Variants in VOPP1 observed in about 807,000 individuals in gnomAD.
VOPP1 encodes the protein WW domain binding protein VOPP1.
VOPP1 carries 8 observed loss-of-function variants against 23.5 expected under a neutral mutation model. That is an observed-to-expected ratio of 0.34 (90% CI 0.20 to 0.61). VOPP1 has a LOEUF of 0.61. Ranked by LOEUF, VOPP1 falls within the 20% of genes least tolerant of loss-of-function variation. VOPP1 has a pLI of 0.78. For missense variants in VOPP1, 174 were observed against 238.1 expected, an observed-to-expected ratio of 0.73 and a Z score of 1.77; for synonymous variants, 83 against 97.3, an observed-to-expected ratio of 0.85 and a Z score of 0.86.
chr7:55,483,236 C>G (rs1792874521), intron 4 of VOPP1, among the ~76,000 whole-genome samples: 1 of 152,130 alleles, frequency 6.6e-6, no homozygotes, highest in Admixed American at 6.5e-5. Context: ...AAATACAGAC[C>G]CTGACTCAGC....
intron 3 of VOPP1, among the ~76,000 whole-genome samples, chr7:55,497,192 G>A (rs1794013823): frequency 6.6e-6 from 1 of 152,240 alleles, no homozygotes; most frequent in South Asian, 2.1e-4. Context: ...TGCCTATCTT[G>A]AAAGCGAAGA....
intron 2 of VOPP1, among the ~76,000 whole-genome samples, chr7:55,509,885 T>A (rs1332801899): frequency 1.3e-5 from 2 of 148,892 alleles, no homozygotes; most frequent in East Asian, 1.9e-4. Flanking sequence ...TTCTGTGAGA[T>A]GCTTTTCATG....
intron 1 of VOPP1, among the ~76,000 whole-genome samples, chr7:55,542,851 C>T (rs1797192923): frequency 6.6e-6 from 1 of 151,412 alleles, no homozygotes; most frequent in South Asian, 2.1e-4. Context: ...GCTTATTTCA[C>T]TTAATGTTCT....
intron 2 of VOPP1, among the ~76,000 whole-genome samples, chr7:55,508,848 C>G (rs1794893987): frequency 6.6e-6 from 1 of 152,050 alleles, no homozygotes; most frequent in Admixed American, 6.6e-5. Flanking sequence ...AGAAGTCTGC[C>G]TATGAGTTCA....
At chr7:55,481,638 C>G (rs1370628245) in intron 4 of VOPP1, among the ~76,000 whole-genome samples, 1 of 152,206 alleles carries the variant, frequency 6.6e-6, no homozygotes, top group East Asian at 1.9e-4. Context: ...TCTTTTATTT[C>G]CAAGTGGGTG....
At chr7:55,447,977 A>G (rs1791143567) in intron 4 of VOPP1, among the ~76,000 whole-genome samples, 1 of 152,214 alleles carries the variant, frequency 6.6e-6, no homozygotes, top group Non-Finnish European at 1.5e-5. Context: ...TCATTCATTA[A>G]AAAACCATTA....
In VOPP1 at chr7:55,511,548, A is replaced by C. The variant is rs118006740; in HGVS notation, c.113+9524T>G. On this transcript the variant is annotated intron_variant, in intron 2 of 4. Coordinates refer to ENST00000285279, the MANE Select transcript of VOPP1 (RefSeq NM_030796.5). Reference sequence around the variant, plus strand: ...CTTGAATCCCCAAATCACTAAGCTAAAAGGAAAATTCAAGCTGAAACTCCT... The same window carrying C: ...CTTGAATCCCCAAATCACTAAGCTACAAGGAAAATTCAAGCTGAAACTCCT... 7.0e-3 allele frequency among the ~76,000 whole-genome samples: 1,071 copies of C among 152,336 alleles called. 6 individuals are homozygous for C. The highest frequency in any genetic ancestry group is 0.011 in the Non-Finnish European group (764 of 68,024).
At chr7:55,557,924 T>C (rs181357555) in intron 1 of VOPP1, among the ~76,000 whole-genome samples, 2 of 152,330 alleles carry the variant, frequency 1.3e-5, no homozygotes, top group Non-Finnish European at 2.9e-5. Flanking sequence ...ACTACTTGAA[T>C]TGGGTTTCCT....
chr7:55,529,978 T>C (rs1796407290), intron 1 of VOPP1, among the ~76,000 whole-genome samples: 3 of 152,240 alleles, frequency 2.0e-5, no homozygotes, highest in African/African-American at 7.2e-5. Flanking sequence ...TCTGGGTTGA[T>C]ACTGCATTTT....
rs143942834 is a variant in VOPP1, at chr7:55,499,038, A to C, written c.114-1348T>G. ...TTCCACAGACAATATGGCAGCATTC[A>C]TGTACAGTCTTCCCCTGGCCCATGA... On this transcript the variant is annotated intron_variant, in intron 2 of 4. Coordinates refer to ENST00000285279, the MANE Select transcript of VOPP1 (RefSeq NM_030796.5). Among the ~76,000 whole-genome samples the C allele has an allele frequency of 8.5e-3, 1,291 of 152,156 alleles. 18 individuals are homozygous for C. The highest frequency in any genetic ancestry group is 0.025 in the South Asian group (121 of 4,808).
At chr7:55,502,477 C>CGCTGGCCCGGCTCCCATTGTGGAT (rs1206516148) in intron 2 of VOPP1, among the ~76,000 whole-genome samples, 2 of 152,320 alleles carry the variant, frequency 1.3e-5, no homozygotes, top group Non-Finnish European at 2.9e-5. Flanking sequence ...TCATCTGCGG[C>CGCTGGCCCGGCTCCCATTGTGGAT]GCTGGCCCGG....
chr7:55,522,605 C>T (rs1177986987), intron 1 of VOPP1, among the ~76,000 whole-genome samples: 1 of 152,144 alleles, frequency 6.6e-6, no homozygotes, highest in East Asian at 1.9e-4. Context: ...TCTCCATCAC[C>T]GCCACCGACA....
chr7:55,525,789 T>TAAAAA (rs141901865), intron 1 of VOPP1, among the ~76,000 whole-genome samples: 2 of 77,954 alleles, frequency 2.6e-5, no homozygotes, highest in African/African-American at 8.3e-5. Context: ...AAAACCTCTC[T>TAAAAA]AAAAAAAAAA....
Position 55,530,016 on chromosome 7 carries a change from C to T in VOPP1, c.55-8886G>A, listed in dbSNP as rs141806171. 4.7e-3 allele frequency among the ~76,000 whole-genome samples: 718 copies of T among 152,266 alleles called. 23 individuals carry two copies. Among genetic ancestry groups the T allele is most frequent in the Admixed American group, 0.041 (632 of 15,300 alleles). Reference sequence around the variant, plus strand: ...CTGTTATCAATAATGCTGCCATATCCATTTGCACACAGGTCCTTGCATGGA... The same window carrying T: ...CTGTTATCAATAATGCTGCCATATCTATTTGCACACAGGTCCTTGCATGGA... On this transcript the variant is annotated intron_variant, in intron 1 of 4. Coordinates refer to ENST00000285279, the MANE Select transcript of VOPP1 (RefSeq NM_030796.5).
intron 2 of VOPP1, among the ~76,000 whole-genome samples, chr7:55,514,244 C>T (rs779264031): frequency 1.3e-5 from 2 of 152,208 alleles, no homozygotes; most frequent in Non-Finnish European, 2.9e-5. Context: ...AACACACATG[C>T]CTGCTCAGTC....
intron 1 of VOPP1, among the ~76,000 whole-genome samples, chr7:55,533,097 T>C (rs1796588117): frequency 6.6e-6 from 1 of 152,138 alleles, no homozygotes; most frequent in African/African-American, 2.4e-5. Flanking sequence ...TGAGAACATA[T>C]GTGCCAGGAA....
chr7:55,514,758 C>G (rs1229945977), intron 2 of VOPP1, among the ~76,000 whole-genome samples: 1 of 152,194 alleles, frequency 6.6e-6, no homozygotes, highest in African/African-American at 2.4e-5. Context: ...AGTGCTTAGG[C>G]AAGCACTCCA....
intron 4 of VOPP1, among the ~76,000 whole-genome samples, chr7:55,484,373 T>C (rs1357357041): frequency 1.3e-5 from 2 of 152,228 alleles, no homozygotes; most frequent in Non-Finnish European, 2.9e-5. Flanking sequence ...CTTTCTTCAC[T>C]GAACCTAGAG....
intron 1 of VOPP1, among the ~76,000 whole-genome samples, chr7:55,566,701 T>A (rs1798174471): frequency 6.6e-6 from 1 of 152,264 alleles, no homozygotes; most frequent in South Asian, 2.1e-4. Flanking sequence ...GAAATGTTGA[T>A]CCCTGATTCA....
Sources: allele counts gnomAD v4.1 joint callset (sites outside exome capture counted in the v4.1 genomes callset), GRCh38; gene constraint gnomAD v4.1.1; transcripts MANE v1.5; gene names NCBI Gene and HGNC (gene_info 2026-07-23, HGNC 2026-07-21).